Variants in KIF26B observed in about 807,000 individuals in gnomAD.
KIF26B encodes the protein kinesin-like protein KIF26B.
A neutral mutation model predicts 151.2 loss-of-function variants in KIF26B; 63 were observed. The observed-to-expected ratio is 0.42, with a 90% CI of 0.34 to 0.51. The LOEUF (loss-of-function observed/expected upper bound fraction) is 0.51, where lower values mean the gene tolerates loss of function less well. Ranked by LOEUF, KIF26B falls within the 20% of genes least tolerant of loss-of-function variation. The probability of loss-of-function intolerance (pLI) is 0.07; values close to 1 mark genes in which losing one functional copy is unlikely to be tolerated. For missense variants in KIF26B, 2,813 were observed against 2,913.6 expected, an observed-to-expected ratio of 0.97 and a Z score of 0.79; for synonymous variants, 1,357 against 1,262.1, an observed-to-expected ratio of 1.08 and a Z score of -1.59.
chr1:245,598,153 T>C (rs144718359), intron 5 of KIF26B, among the ~76,000 whole-genome samples: 102 of 152,222 alleles, frequency 6.7e-4, no homozygotes, highest in African/African-American at 2.4e-3. Context: ...GCCTAGAACC[T>C]TGTAGGGGTA....
intron 5 of KIF26B, among the ~76,000 whole-genome samples, chr1:245,575,066 C>T (rs1341500121): frequency 4.0e-5 from 6 of 151,196 alleles, no homozygotes; most frequent in Non-Finnish European, 8.9e-5. Flanking sequence ...GGGGTTTCAC[C>T]ATGTTAGCCA....
At chr1:245,583,227 G>A (rs139956747) in intron 5 of KIF26B, among the ~76,000 whole-genome samples, 63 of 152,226 alleles carry the variant, frequency 4.1e-4, no homozygotes, top group Middle Eastern at 6.8e-3. Context: ...TTTTCTACCC[G>A]GACTTAAAGA....
chr1:245,534,239 T>C (rs1160260390), intron 4 of KIF26B, among the ~76,000 whole-genome samples: 1 of 152,066 alleles, frequency 6.6e-6, no homozygotes, highest in Non-Finnish European at 1.5e-5. Flanking sequence ...CTTGGCTCAC[T>C]GCAACCTCTG....
At chr1:245,446,333 C>T (rs968836528) in intron 4 of KIF26B, among the ~76,000 whole-genome samples, 10 of 152,118 alleles carry the variant, frequency 6.6e-5, no homozygotes, top group African/African-American at 1.9e-4. Context: ...TGTTCTGTGA[C>T]GCATGGCCAT....
At chr1:245,607,214 A>G (rs1467133011) in intron 6 of KIF26B, among the ~76,000 whole-genome samples, 1 of 152,116 alleles carries the variant, frequency 6.6e-6, no homozygotes, top group Non-Finnish European at 1.5e-5. Context: ...ATGGTGGGTC[A>G]CCTTTTTCCC....
At chr1:245,598,214 A>G (rs2043354627) in intron 5 of KIF26B, among the ~76,000 whole-genome samples, 2 of 152,158 alleles carry the variant, frequency 1.3e-5, no homozygotes, top group African/African-American at 4.8e-5. Context: ...TATTGTGGCC[A>G]AGACTCGGGT....
chr1:245,612,192 C>T (rs2043535207), intron 9 of KIF26B, among the ~76,000 whole-genome samples: 1 of 151,988 alleles, frequency 6.6e-6, no homozygotes, highest in African/African-American at 2.4e-5. Context: ...TCACTGCAGC[C>T]TCAAACTCCT....
intron 4 of KIF26B, among the ~76,000 whole-genome samples, chr1:245,484,763 C>CATATTA (rs1273792940): frequency 8.0e-6 from 1 of 124,662 alleles, no homozygotes; most frequent in South Asian, 2.5e-4. Flanking sequence ...TCTTCTTCTT[C>CATATTA]TTCATATTAT....
intron 2 of KIF26B, among the ~76,000 whole-genome samples, chr1:245,299,825 C>G (rs558051516): frequency 1.3e-5 from 2 of 152,318 alleles, no homozygotes; most frequent in African/African-American, 4.8e-5. Context: ...AAGCAACTTA[C>G]CAGGCCATTT....
intron 4 of KIF26B, among the ~76,000 whole-genome samples, chr1:245,439,381 A>T (rs1361246236): frequency 6.6e-6 from 1 of 151,582 alleles, no homozygotes; most frequent in African/African-American, 2.4e-5. Context: ...GAAAGGTAAT[A>T]AATGAATTTT....
intron 2 of KIF26B, among the ~76,000 whole-genome samples, chr1:245,243,439 T>TACACACAC (rs1196510210): frequency 2.3e-5 from 3 of 133,328 alleles, no homozygotes; most frequent in Admixed American, 2.2e-4. Context: ...TACATACATA[T>TACACACAC]ATATATATAC....
chr1:245,155,813 T>C (rs973744661), intron 1 of KIF26B, among the ~76,000 whole-genome samples: 1 of 152,250 alleles, frequency 6.6e-6, no homozygotes, highest in Non-Finnish European at 1.5e-5. Context: ...ATCGTTTAGC[T>C]GGAGCCGTGA....
chr1:245,527,524 C>CCTTTTTTTTTTTTTTTTTTTTTTT (rs1661263581), intron 4 of KIF26B, among the ~76,000 whole-genome samples: 1 of 50,710 alleles, frequency 2.0e-5, no homozygotes, highest in African/African-American at 9.8e-5. Context: ...TTTGGGATGG[C>CCTTTTTTTTTTTTTTTTTTTTTTT]TTTTTTTTTT....
chr1:245,464,251 T>C (rs546852005), intron 4 of KIF26B, among the ~76,000 whole-genome samples: 10 of 152,320 alleles, frequency 6.6e-5, no homozygotes, highest in Admixed American at 5.2e-4. Flanking sequence ...TCTGAATTGT[T>C]TTAATAGCAG....
intron 3 of KIF26B, among the ~76,000 whole-genome samples, chr1:245,393,410 TTC>T (rs1673747492): frequency 6.6e-6 from 1 of 152,222 alleles, no homozygotes; most frequent in Non-Finnish European, 1.5e-5. Context: ...TTTTGTTTCA[TTC>T]TGTTTCACTT....
intron 10 of KIF26B, chr1:245,673,926 G>GA (rs577419160): frequency 1.1e-4 from 16 of 152,300 alleles, no homozygotes; most frequent in African/African-American, 2.6e-4. Flanking sequence ...ACAAGAGTAA[G>GA]AAAAAATCAA....
Position 245,319,515 on chromosome 1 carries a change from T to C in KIF26B, c.466-47319T>C, listed in dbSNP as rs574907148. On this transcript the variant is annotated intron_variant, in intron 2 of 14. Transcript: ENST00000407071. ...GCAAAGTAATTACTACGCCAAGTTT[T>C]TTTTTTTTTTAATCAAAATAAAACA... 4.6e-5 allele frequency among the ~76,000 whole-genome samples: 7 copies of C among 152,328 alleles called. No individual in the cohort carries two copies. The South Asian group carries it at 1.2e-3, about 27-fold the overall frequency.
chr1:245,309,344 G>A (rs979076019), intron 2 of KIF26B, among the ~76,000 whole-genome samples: 13 of 152,080 alleles, frequency 8.5e-5, no homozygotes, highest in African/African-American at 2.4e-4. Flanking sequence ...TCATCCAATC[G>A]GTCGAAGGCC....
At chr1:245,301,593 T>C (rs542842701) in intron 2 of KIF26B, among the ~76,000 whole-genome samples, 84 of 152,282 alleles carry the variant, frequency 5.5e-4, no homozygotes, top group African/African-American at 2.0e-3. Flanking sequence ...CACCCTGTCA[T>C]TGGCCCTGTA....
Sources: gnomAD v4.1 joint callset for allele counts (sites outside exome capture counted in the v4.1 genomes callset) on GRCh38, gnomAD v4.1.1 for gene constraint, MANE v1.5 for transcripts, NCBI Gene and HGNC (gene_info 2026-07-23, HGNC 2026-07-21) for gene names.